Variants in COL4A2 observed in about 807,000 individuals in gnomAD.
COL4A2 encodes the protein collagen type IV alpha 2 chain.
COL4A2 carries 99 observed loss-of-function variants against 200.2 expected under a neutral mutation model. The observed-to-expected ratio is 0.49, with a 90% confidence interval of 0.42 to 0.58. The LOEUF (loss-of-function observed/expected upper bound fraction) is 0.58, where lower values mean the gene tolerates loss of function less well. Among genes scored for constraint, COL4A2 ranks in the 20% least tolerant of loss-of-function variants. The pLI is 0.00. For synonymous variants in COL4A2, 897 were observed against 900.6 expected (o/e 1.00, Z 0.07); for missense variants, 1,950 against 2,314.1 (o/e 0.84, Z 3.23).
At chr13:110,422,204 G>A (rs116653845) in intron 4 of COL4A2, among the ~76,000 whole-genome samples, 318 of 152,336 alleles carry the variant, frequency 2.1e-3, no homozygotes, top group African/African-American at 7.3e-3. Context: ...GGCATGGTAT[G>A]TAATCTTAAG....
chr13:110,487,206 C>G (rs796400521), intron 34 of COL4A2, among the ~76,000 whole-genome samples: 1 of 152,244 alleles, frequency 6.6e-6, no homozygotes, highest in African/African-American at 2.4e-5. Flanking sequence ...AATCCCAGCA[C>G]TTTGGGAGGC....
chr13:110,327,158 C>T (rs906419813), intron 3 of COL4A2, among the ~76,000 whole-genome samples: 5 of 152,186 alleles, frequency 3.3e-5, no homozygotes, highest in African/African-American at 1.2e-4. Context: ...CTAACCCAGG[C>T]TGGCCTGTCC....
intron 20 of COL4A2, among the ~76,000 whole-genome samples, chr13:110,456,238 A>G (rs1326672734): frequency 2.4e-4 from 37 of 152,226 alleles, no homozygotes; most frequent in Admixed American, 2.4e-3. Context: ...AACATGGCTG[A>G]CCATGCTGAA....
intron 3 of COL4A2, among the ~76,000 whole-genome samples, chr13:110,328,162 A>G (rs371712370): frequency 1.3e-5 from 2 of 152,332 alleles, no homozygotes; most frequent in South Asian, 4.1e-4. Flanking sequence ...TTCTTAAGGA[A>G]CTTCTGGGAC....
At chr13:110,420,433 G>A (rs186370225) in intron 4 of COL4A2, among the ~76,000 whole-genome samples, 7 of 152,008 alleles carry the variant, frequency 4.6e-5, no homozygotes, top group Admixed American at 3.3e-4. Context: ...GGGGGCAGGG[G>A]ACATGACATT....
intron 40 of COL4A2, among the ~76,000 whole-genome samples, chr13:110,499,794 C>T (rs756374216): frequency 2.0e-5 from 3 of 152,306 alleles, no homozygotes; most frequent in African/African-American, 7.2e-5. Flanking sequence ...ATTAACAGTC[C>T]TCATCACTGC....
At position 110,421,269 on chromosome 13, in the gene COL4A2, A is replaced by G. The variant is rs550918983; in HGVS notation, c.181-3465A>G. Among the ~76,000 whole-genome samples, 2 of 152,344 alleles carry G rather than the reference A, an allele frequency of 1.3e-5. 1 individual carries two copies. Among genetic ancestry groups the G allele is most frequent in the African/African-American group, 4.8e-5 (2 of 41,576 alleles). ...CACTCCTAGGAACACACCCAAAAGA[A>G]TTCAGAACAGAGACTCAAGTAGTCA... On this transcript the variant is annotated intron_variant, in intron 4 of 47. Transcript: ENST00000360467.
At chr13:110,386,445 T>G (rs1252022889) in intron 4 of COL4A2, among the ~76,000 whole-genome samples, 2 of 152,158 alleles carry the variant, frequency 1.3e-5, no homozygotes, top group African/African-American at 4.8e-5. Context: ...CCCACTCCAA[T>G]CTCAGCCATC....
intron 3 of COL4A2, among the ~76,000 whole-genome samples, chr13:110,335,423 A>G (rs1409783618): frequency 6.6e-6 from 1 of 152,096 alleles, no homozygotes; most frequent in Non-Finnish European, 1.5e-5. Context: ...CTGATGGTTT[A>G]ATAAGGGGAA....
chr13:110,319,243 G>A (rs552995017), intron 3 of COL4A2, among the ~76,000 whole-genome samples: 14 of 152,244 alleles, frequency 9.2e-5, no homozygotes, highest in African/African-American at 3.1e-4. Context: ...CCTTGAGACG[G>A]TTATTTCCAT....
At chr13:110,328,713 C>G (rs1248982295) in intron 3 of COL4A2, among the ~76,000 whole-genome samples, 1 of 152,194 alleles carries the variant, frequency 6.6e-6, no homozygotes, top group Non-Finnish European at 1.5e-5. Flanking sequence ...GGGCCCAGAG[C>G]AGACAGAGAG....
intron 16 of COL4A2, among the ~76,000 whole-genome samples, chr13:110,445,503 G>T (rs1881288303): frequency 6.6e-6 from 1 of 152,180 alleles, no homozygotes; most frequent in Admixed American, 6.5e-5. Context: ...AAGAACATCT[G>T]CAGCACAGAT....
At chr13:110,455,425 AC>A (rs1881691404) in intron 20 of COL4A2, among the ~76,000 whole-genome samples, 1 of 151,800 alleles carries the variant, frequency 6.6e-6, no homozygotes, top group South Asian at 2.1e-4. Flanking sequence ...CTCAGAAAGG[AC>A]TCAGCTGACT....
intron 3 of COL4A2, among the ~76,000 whole-genome samples, chr13:110,336,405 C>G (rs1382127506): frequency 1.8e-4 from 27 of 152,168 alleles, no homozygotes; most frequent in Non-Finnish European, 8.8e-5. Flanking sequence ...TTTTTATAGG[C>G]TCCATAAAAC....
intron 3 of COL4A2, among the ~76,000 whole-genome samples, chr13:110,316,402 A>G (rs939303808): frequency 6.6e-6 from 1 of 152,178 alleles, no homozygotes; most frequent in Non-Finnish European, 1.5e-5. Flanking sequence ...TGATGCAATC[A>G]TTGCAAACTG....
At chr13:110,314,141 T>C (rs1280688291) in intron 3 of COL4A2, among the ~76,000 whole-genome samples, 4 of 152,360 alleles carry the variant, frequency 2.6e-5, no homozygotes, top group African/African-American at 9.6e-5. Context: ...GTTGATTTCT[T>C]AGTTTTCACA....
intron 4 of COL4A2, among the ~76,000 whole-genome samples, chr13:110,424,212 C>T (rs1221523859): frequency 6.6e-6 from 1 of 152,006 alleles, no homozygotes; most frequent in Non-Finnish European, 1.5e-5. Context: ...TTTTTAATAA[C>T]AGCCATCCTA....
At chr13:110,322,103 G>A (rs1252458847) in intron 3 of COL4A2, among the ~76,000 whole-genome samples, 1 of 152,162 alleles carries the variant, frequency 6.6e-6, no homozygotes, top group Non-Finnish European at 1.5e-5. Context: ...TGTTTCTTTG[G>A]TTGACAGGTT....
chr13:110,346,490 C>CA (rs1876705298), intron 3 of COL4A2, among the ~76,000 whole-genome samples: 2 of 152,174 alleles, frequency 1.3e-5, no homozygotes, highest in African/African-American at 4.8e-5. Context: ...CTCTAGTGAC[C>CA]AAGACATTCG....
Sources: gnomAD v4.1 joint callset for allele counts (sites outside exome capture counted in the v4.1 genomes callset) on GRCh38, gnomAD v4.1.1 for gene constraint, MANE v1.5 for transcripts, NCBI Gene and HGNC (gene_info 2026-07-23, HGNC 2026-07-21) for gene names.